The following SHROOM3 variants were observed in gnomAD, a reference collection of about 807,000 sequenced individuals.
SHROOM3 encodes protein Shroom3.
Under a neutral mutation model 138.6 loss-of-function variants are expected in SHROOM3, and 47 were observed. That is an observed-to-expected ratio of 0.34 (90% CI 0.27 to 0.43). The LOEUF (loss-of-function observed/expected upper bound fraction) is 0.43. SHROOM3 is among the 20% of genes least tolerant of loss of function. SHROOM3 has a pLI of 1.00. For synonymous variants in SHROOM3, 1,062 were observed against 1,063.3 expected (o/e 1.00, Z 0.02); for missense variants, 2,491 against 2,596.5 (o/e 0.96, Z 0.88).
chr4:76,462,686 C>G (rs1277261618), intron 1 of SHROOM3, among the ~76,000 whole-genome samples: 2 of 150,714 alleles, frequency 1.3e-5, no homozygotes, highest in Non-Finnish European at 3.0e-5. Flanking sequence ...CCCTCTCCCT[C>G]TCCCTCTCTC....
At chr4:76,537,455 C>T (rs1005156544) in intron 1 of SHROOM3, among the ~76,000 whole-genome samples, 1 of 152,150 alleles carries the variant, frequency 6.6e-6, no homozygotes, top group Non-Finnish European at 1.5e-5. Context: ...TGAAATGATT[C>T]TCCTGACTGC....
intron 1 of SHROOM3, among the ~76,000 whole-genome samples, chr4:76,437,352 G>A (rs1730583618): frequency 1.3e-5 from 2 of 152,142 alleles, no homozygotes; most frequent in South Asian, 4.1e-4. Context: ...GTAAATTGGG[G>A]TTTGTTTTTC....
intron 2 of SHROOM3, among the ~76,000 whole-genome samples, chr4:76,614,216 G>A (rs564507348): frequency 8.2e-4 from 124 of 152,086 alleles, no homozygotes; most frequent in Middle Eastern, 6.8e-3. Context: ...CACCATGCCC[G>A]GCTAATTTTT....
At chr4:76,662,838 C>T (rs11735865) in intron 2 of SHROOM3, among the ~76,000 whole-genome samples, 33,153 of 151,624 alleles carry the variant, frequency 0.22, 3,814 homozygotes, top group East Asian at 0.36. Flanking sequence ...GCTGTGATTG[C>T]GACAGTGTGC....
At chr4:76,584,802 G>T (rs1055208200) in intron 2 of SHROOM3, among the ~76,000 whole-genome samples, 1 of 152,150 alleles carries the variant, frequency 6.6e-6, no homozygotes, top group African/African-American at 2.4e-5. Context: ...GAGGTTGCAT[G>T]GTGGGGAGAG....
intron 2 of SHROOM3, among the ~76,000 whole-genome samples, chr4:76,672,419 C>A (rs1430685573): frequency 3.3e-4 from 42 of 127,206 alleles, no homozygotes; most frequent in African/African-American, 5.2e-4. Flanking sequence ...AATTAGGGAC[C>A]AAAAAAAAAA....
At chr4:76,455,450 G>A (rs758771702) in intron 1 of SHROOM3, among the ~76,000 whole-genome samples, 1 of 151,892 alleles carries the variant, frequency 6.6e-6, no homozygotes, top group Non-Finnish European at 1.5e-5. Flanking sequence ...AAAGATGATA[G>A]ATTTAATTCT....
intron 2 of SHROOM3, among the ~76,000 whole-genome samples, chr4:76,692,672 C>T (rs1329938664): frequency 6.6e-6 from 1 of 152,178 alleles, no homozygotes; most frequent in Non-Finnish European, 1.5e-5. Context: ...ATGAATACGA[C>T]TCAGCGATCA....
chr4:76,715,388 C>T (rs1047950812), intron 3 of SHROOM3, among the ~76,000 whole-genome samples: 3 of 152,202 alleles, frequency 2.0e-5, no homozygotes, highest in South Asian at 2.1e-4. Context: ...CTTCCTTTCC[C>T]GCTTAGATCC....
At position 76,436,077 on chromosome 4, in the gene SHROOM3, C is replaced by T; in HGVS notation, c.25C>T (p.His9Tyr). ...CATGATGAGGACCACTGAAGACTTCCACAAGCCTAGTGCCACATTAAACTC... is the reference window on the plus strand; with the variant it reads ...CATGATGAGGACCACTGAAGACTTCTACAAGCCTAGTGCCACATTAAACTC... MMRTTEDF[H>Y]KPSATLNSNT... Residue 9 changes from histidine (H) to tyrosine (Y), a missense_variant, in exon 1 of 11, where the codon CAC becomes TAC. His to Tyr is a moderately conservative substitution (Grantham distance 83, BLOSUM62 2). Around this residue, in one of 4 missense-constraint regions of SHROOM3, gnomAD observed 284 missense variants for 322.8 expected, o/e 0.88. Coordinates refer to ENST00000296043, the MANE Select transcript of SHROOM3 (RefSeq NM_020859.4). The T allele has an allele frequency of 6.2e-7, 1 of 1,613,926 alleles. No individual in the cohort carries two copies. Among genetic ancestry groups the T allele is most frequent in the South Asian group, 1.1e-5 (1 of 91,060 alleles).
At chr4:76,546,599 C>T (rs1042772468) in intron 1 of SHROOM3, among the ~76,000 whole-genome samples, 1 of 152,140 alleles carries the variant, frequency 6.6e-6, no homozygotes, top group Admixed American at 6.5e-5. Flanking sequence ...ATGACAATTT[C>T]CAGACAATAG....
chr4:76,675,546 G>A (rs1427924336), intron 2 of SHROOM3, among the ~76,000 whole-genome samples: 4 of 152,146 alleles, frequency 2.6e-5, no homozygotes, highest in African/African-American at 9.7e-5. Context: ...CTGTCTAGTT[G>A]TCAAAATCCT....
At chr4:76,556,090 G>C (rs1733478432) in intron 2 of SHROOM3, among the ~76,000 whole-genome samples, 1 of 152,168 alleles carries the variant, frequency 6.6e-6, no homozygotes. Context: ...GCTCTAATAA[G>C]CTTTTTGTCT....
chr4:76,551,078 T>C (rs1190139941), intron 1 of SHROOM3, among the ~76,000 whole-genome samples: 1 of 150,090 alleles, frequency 6.7e-6, no homozygotes, highest in Non-Finnish European at 1.5e-5. Flanking sequence ...CAATCTTGGC[T>C]CACTGCAACC....
In SHROOM3 at chr4:76,780,575, C is replaced by G. The variant is rs528289425; in HGVS notation, c.*1398C>G. The G allele has an allele frequency of 6.6e-6, 1 of 151,734 alleles. No individual in the cohort carries two copies. Among genetic ancestry groups the G allele is most frequent in the African/African-American group, 2.4e-5 (1 of 41,402 alleles). 9.4% of individuals were successfully genotyped at this position (151,734 alleles called of 1,614,324 possible). A position where few individuals can be genotyped will look rare whatever the true frequency, so the allele number is the denominator to read the frequency against. On this transcript the variant is annotated 3_prime_UTR_variant, in exon 11 of 11. Coordinates refer to ENST00000296043, the MANE Select transcript of SHROOM3 (RefSeq NM_020859.4). ...ATGACAAGGGAACCAAATGCTCCTTCTCCCCTTAGTACATTTTCATTACTT... is the reference window on the plus strand; with the variant it reads ...ATGACAAGGGAACCAAATGCTCCTTGTCCCCTTAGTACATTTTCATTACTT...
rs187104857 is a variant in SHROOM3, at chr4:76,671,456, T to C, written c.324-38700T>C. Among the ~76,000 whole-genome samples the C allele has an allele frequency of 3.9e-5, 6 of 152,372 alleles. No homozygotes were observed. In the East Asian group the frequency reaches 1.2e-3, roughly 29 times the overall value. On this transcript the variant is annotated intron_variant, in intron 2 of 10. Coordinates refer to ENST00000296043, the MANE Select transcript of SHROOM3 (RefSeq NM_020859.4). ...GCCAGGCCTTTGTGCCCAGGCTGTG[T>C]GTGCCAGCTGTAGCCACTTCCTCCT...
At chr4:76,759,404 T>C in intron 8 of SHROOM3, 141 bp from the exon 9 acceptor site, 1 of 1,145,936 alleles carries the variant, frequency 8.7e-7, no homozygotes, top group Non-Finnish European at 1.3e-6. Context: ...ACTCATTAGT[T>C]AACAGTTACT....
intron 1 of SHROOM3, among the ~76,000 whole-genome samples, chr4:76,513,418 A>G (rs1446228852): frequency 2.0e-5 from 3 of 152,092 alleles, no homozygotes; most frequent in Non-Finnish European, 4.4e-5. Context: ...GGTTTAAGTG[A>G]TTCTCATGCC....
chr4:76,611,370 C>T (rs543448697), intron 2 of SHROOM3, among the ~76,000 whole-genome samples: 3 of 151,766 alleles, frequency 2.0e-5, no homozygotes, highest in South Asian at 4.2e-4. Flanking sequence ...GGAATTCAAA[C>T]GATCTCGTTG....
Sources: gnomAD v4.1 joint callset for allele counts (sites outside exome capture counted in the v4.1 genomes callset) on GRCh38, gnomAD v4.1.1 for gene constraint, gnomAD v4.1.1 regional missense constraint, MANE v1.5 for transcripts, NCBI Gene and HGNC (gene_info 2026-07-23, HGNC 2026-07-21) for gene names.